The following PCLO variants were observed in gnomAD, a reference collection of about 807,000 sequenced individuals.
PCLO encodes the protein protein piccolo.
PCLO carries 82 observed loss-of-function variants against 427.5 expected under a neutral mutation model. The ratio of observed to expected loss-of-function variants is 0.19; its 90% CI spans 0.16 to 0.23. The LOEUF (loss-of-function observed/expected upper bound fraction) is 0.23. Among genes scored for constraint, PCLO ranks in the 10% least tolerant of loss-of-function variants. The probability of loss-of-function intolerance (pLI) is 1.00; values close to 1 mark genes in which losing one functional copy is unlikely to be tolerated. For missense variants in PCLO, 6,239 were observed against 6,115.9 expected (o/e 1.02, Z -0.67); for synonymous variants, 2,357 against 2,155.4 (o/e 1.09, Z -2.59).
In PCLO at chr7:82,949,620, T is replaced by C; in HGVS notation, c.10968A>G (p.Val3656=). 1 of 1,613,914 alleles carries C rather than the reference T, an allele frequency of 6.2e-7. No individual in the cohort carries two copies. The highest frequency in any genetic ancestry group is 8.5e-7 in the Non-Finnish European group (1 of 1,179,862). The change falls in exon 6 of 25, where the codon GTA becomes GTG. Residue 3656 remains valine, a synonymous_variant. Transcript: ENST00000333891. ...GAACTTTAGCCATATCTGGATGCAGTACTTTCTGTGGACTTATATCATCAG... is the reference window on the plus strand; with the variant it reads ...GAACTTTAGCCATATCTGGATGCAGCACTTTCTGTGGACTTATATCATCAG... ...PLPDDISPQK[V]LHPDMAKVPP... is the part of the protein sequence containing the mutation.
intron 3 of PCLO, among the ~76,000 whole-genome samples, chr7:82,975,138 CA>C (rs1795989889): frequency 1.3e-5 from 2 of 151,836 alleles, no homozygotes; most frequent in African/African-American, 2.4e-5. Flanking sequence ...TACATCAAAG[CA>C]AAAAAACTTA....
At chr7:82,984,163 A>C (rs904981486) in intron 3 of PCLO, among the ~76,000 whole-genome samples, 1 of 151,980 alleles carries the variant, frequency 6.6e-6, no homozygotes, top group Non-Finnish European at 1.5e-5. Context: ...TTCAATACTT[A>C]ACTAATCAAG....
rs5885327 is a variant in PCLO, at chr7:82,984,408, C to CTGTGTGTGTGTG, written c.3301-17933_3301-17922dup. 4.9e-3 allele frequency among the ~76,000 whole-genome samples: 662 copies of CTGTGTGTGTGTG among 135,928 alleles called. 12 individuals carry two copies. Among genetic ancestry groups the CTGTGTGTGTGTG allele is most frequent in the African/African-American group, 0.017 (624 of 35,886 alleles). 89.2% of individuals were successfully genotyped at this position (135,928 alleles called of 152,430 possible). ...CCTTAGTTTATTTCAAATGTGGTGT[C>CTGTGTGTGTGTG]TGTGTGTGTGTGTGTGTGTGTGTGT... On this transcript the variant is annotated intron_variant, in intron 3 of 24. Coordinates refer to ENST00000333891, the MANE Select transcript of PCLO (RefSeq NM_033026.6).
At chr7:82,847,823 G>C (rs1328539261) in intron 10 of PCLO, among the ~76,000 whole-genome samples, 1 of 152,092 alleles carries the variant, frequency 6.6e-6, no homozygotes, top group South Asian at 2.1e-4. Flanking sequence ...TATAGGAAGG[G>C]CAGCTGCAGG....
At chr7:82,758,809 G>T in intron 24 of PCLO, 94 bp from the exon 25 acceptor site, 1 of 711,776 alleles carries the variant, frequency 1.4e-6, no homozygotes, top group East Asian at 2.8e-5. Flanking sequence ...AATCATCAAA[G>T]ACATAGCACG....
chr7:82,818,945 T>C (rs905861750), intron 20 of PCLO, among the ~76,000 whole-genome samples: 3 of 152,230 alleles, frequency 2.0e-5, no homozygotes, highest in Non-Finnish European at 4.4e-5. Flanking sequence ...TCAACACTTA[T>C]GATTATTACT....
chr7:82,991,229 T>G (rs1391470260), intron 3 of PCLO, among the ~76,000 whole-genome samples: 1 of 152,164 alleles, frequency 6.6e-6, no homozygotes, highest in Non-Finnish European at 1.5e-5. Context: ...TCTATCTATC[T>G]ATCTGTGTTG....
intron 10 of PCLO, among the ~76,000 whole-genome samples, chr7:82,878,774 A>G (rs1793432662): frequency 3.3e-5 from 5 of 152,190 alleles, no homozygotes; most frequent in Admixed American, 6.6e-5. Context: ...CCAGGAGTAA[A>G]TAGTTTAGAT....
At chr7:82,907,755 T>G in intron 8 of PCLO, among the ~76,000 whole-genome samples, 1 of 152,016 alleles carries the variant, frequency 6.6e-6, no homozygotes, top group East Asian at 1.9e-4. Context: ...TTAAAAAGAT[T>G]CTAGAAAATA....
At chr7:82,922,265 C>A (rs986502194) in intron 6 of PCLO, among the ~76,000 whole-genome samples, 9 of 151,906 alleles carry the variant, frequency 5.9e-5, no homozygotes, top group African/African-American at 2.2e-4. Flanking sequence ...ATATATCGAT[C>A]TACCATAAAG....
chr7:83,020,348 T>C (rs1788311939), intron 3 of PCLO, among the ~76,000 whole-genome samples: 1 of 152,126 alleles, frequency 6.6e-6, no homozygotes, highest in South Asian at 2.1e-4. Flanking sequence ...GGTTTGAATG[T>C]GACCTCTCCC....
chr7:82,822,007 G>A lies in PCLO; in HGVS notation c.14791+488C>T, dbSNP rs1791804208. 3 of 987,680 alleles carry A rather than the reference G, an allele frequency of 3.0e-6. No homozygotes were observed. The South Asian group carries it at 1.4e-4, about 46-fold the overall frequency. The allele number at this position is 987,680 out of a possible 1,614,324, so 61.2% of individuals were successfully genotyped here. A position where few individuals can be genotyped will look rare whatever the true frequency, so the allele number is the denominator to read the frequency against. ...TCCAAGGTTCTAGAAGTTGACTGTT[G>A]GTTGCATTATCTTCTGCCTAGACTT... On this transcript the variant is annotated intron_variant, in intron 20 of 24. Coordinates refer to ENST00000333891, the MANE Select transcript of PCLO (RefSeq NM_033026.6).
chr7:82,811,320 T>TAGG (rs1175152719), intron 20 of PCLO, among the ~76,000 whole-genome samples: 1 of 151,526 alleles, frequency 6.6e-6, no homozygotes, highest in Non-Finnish European at 1.5e-5. Context: ...TCAGGTACCT[T>TAGG]TCTCCTCTCT....
intron 3 of PCLO, among the ~76,000 whole-genome samples, chr7:83,102,578 T>C (rs911951197): frequency 5.9e-5 from 9 of 151,996 alleles, no homozygotes; most frequent in Non-Finnish European, 1.2e-4. Context: ...GCAAGTTACT[T>C]AAAATCTATG....
intron 3 of PCLO, among the ~76,000 whole-genome samples, chr7:83,001,222 G>T (rs999619194): frequency 4.6e-5 from 7 of 151,922 alleles, no homozygotes; most frequent in African/African-American, 1.7e-4. Context: ...CGGTCCTATG[G>T]TATGTCAGTG....
chr7:82,792,192 T>A (rs117419062), intron 22 of PCLO, among the ~76,000 whole-genome samples: 1 of 152,328 alleles, frequency 6.6e-6, no homozygotes, highest in Non-Finnish European at 1.5e-5. Flanking sequence ...AGAGAATGGA[T>A]ATTCATAATA....
At chr7:82,802,716 CT>C (rs1368032550) in intron 21 of PCLO, among the ~76,000 whole-genome samples, 1 of 152,156 alleles carries the variant, frequency 6.6e-6, no homozygotes, top group Non-Finnish European at 1.5e-5. Flanking sequence ...TTAATTATAA[CT>C]TTCATAGGAA....
At chr7:82,876,712 T>C (rs1793382403) in intron 10 of PCLO, among the ~76,000 whole-genome samples, 1 of 152,146 alleles carries the variant, frequency 6.6e-6, no homozygotes. Context: ...ATATTTAATG[T>C]TCAGAACCAG....
At chr7:82,867,499 T>C (rs1306079350) in intron 10 of PCLO, among the ~76,000 whole-genome samples, 1 of 152,130 alleles carries the variant, frequency 6.6e-6, no homozygotes, top group African/African-American at 2.4e-5. Context: ...TACTAAAGCA[T>C]TGGCTGGTGG....
Sources: allele counts gnomAD v4.1 joint callset (sites outside exome capture counted in the v4.1 genomes callset), GRCh38; gene constraint gnomAD v4.1.1; transcripts MANE v1.5; gene names NCBI Gene and HGNC (gene_info 2026-07-23, HGNC 2026-07-21).